Variants in HPSE2 observed in about 807,000 individuals in gnomAD.
HPSE2 encodes inactive heparanase-2.
In HPSE2, 38 loss-of-function variants were observed where a neutral mutation model predicts 60.5. The ratio of observed to expected loss-of-function variants is 0.63; its 90% CI spans 0.48 to 0.82. The LOEUF (loss-of-function observed/expected upper bound fraction) is 0.82. Among genes scored for constraint, HPSE2 ranks in the 40% least tolerant of loss-of-function variants. The pLI, the probability that HPSE2 is intolerant of heterozygous loss-of-function variation, is 0.00. For synonymous variants in HPSE2, 295 were observed against 293.2 expected (o/e 1.01, Z -0.06); for missense variants, 713 against 740.4 (o/e 0.96, Z 0.43).
At chr10:99,167,156 G>A (rs570961411) in intron 2 of HPSE2, among the ~76,000 whole-genome samples, 2 of 151,958 alleles carry the variant, frequency 1.3e-5, no homozygotes, top group Admixed American at 6.6e-5. Context: ...GATTACAAGC[G>A]TGTGCCACCA....
At chr10:99,072,276 C>A (rs543837742) in intron 3 of HPSE2, among the ~76,000 whole-genome samples, 4 of 152,128 alleles carry the variant, frequency 2.6e-5, no homozygotes, top group African/African-American at 9.6e-5. Flanking sequence ...AAACAATTTG[C>A]AACTAAAGCA....
the HPSE2 span, among the ~76,000 whole-genome samples, chr10:99,305,975 G>GCACA: frequency 7.3e-4 from 35 of 48,120 alleles, no homozygotes; most frequent in African/African-American, 2.0e-3. Flanking sequence ...GCGCGCGCGC[G>GCACA]CGCGCACACA....
intron 6 of HPSE2, among the ~76,000 whole-genome samples, chr10:98,667,936 C>T (rs1446285622): frequency 6.6e-6 from 1 of 152,120 alleles, no homozygotes; most frequent in Non-Finnish European, 1.5e-5. Context: ...CTAGAGCAAT[C>T]AGGCAAGACA....
At chr10:98,966,940 C>T (rs1182571871) in intron 3 of HPSE2, among the ~76,000 whole-genome samples, 2 of 152,140 alleles carry the variant, frequency 1.3e-5, no homozygotes, top group African/African-American at 4.8e-5. Flanking sequence ...TCCTTCCAGG[C>T]TGGAGTTCAG....
chr10:98,501,032 T>C (rs577521372), intron 9 of HPSE2, among the ~76,000 whole-genome samples: 1 of 151,756 alleles, frequency 6.6e-6, no homozygotes, highest in African/African-American at 2.4e-5. Flanking sequence ...ATAACAAGCA[T>C]TGAGATTGAA....
At chr10:99,208,725 ATGG>A (rs1848851931) in intron 2 of HPSE2, among the ~76,000 whole-genome samples, 1 of 152,086 alleles carries the variant, frequency 6.6e-6, no homozygotes, top group Non-Finnish European at 1.5e-5. Context: ...GAGTGACTGA[ATGG>A]ATTTAAAAAA....
chr10:98,460,608 C>A (rs911302943), intron 11 of HPSE2, among the ~76,000 whole-genome samples: 12 of 151,904 alleles, frequency 7.9e-5, no homozygotes, highest in African/African-American at 2.9e-4. Context: ...GAAACTCTGT[C>A]CCTAAAAAAA....
At chr10:98,810,433 C>T (rs1207367841) in intron 3 of HPSE2, among the ~76,000 whole-genome samples, 1 of 151,980 alleles carries the variant, frequency 6.6e-6, no homozygotes, top group Non-Finnish European at 1.5e-5. Context: ...GATTAAGATC[C>T]TTCTCTTCTG....
intron 3 of HPSE2, among the ~76,000 whole-genome samples, chr10:98,838,534 C>T (rs1951843409): frequency 6.6e-6 from 1 of 151,638 alleles, no homozygotes; most frequent in South Asian, 2.1e-4. Context: ...AATTGATCCC[C>T]CTGCATCAGT....
chr10:99,059,609 C>A (rs909663273), intron 3 of HPSE2, among the ~76,000 whole-genome samples: 2 of 151,990 alleles, frequency 1.3e-5, no homozygotes, highest in African/African-American at 4.8e-5. Flanking sequence ...ATTAACATGT[C>A]CCCCCAAATA....
At chr10:98,907,496 A>G (rs1039892479) in intron 3 of HPSE2, among the ~76,000 whole-genome samples, 3 of 152,108 alleles carry the variant, frequency 2.0e-5, no homozygotes, top group African/African-American at 7.2e-5. Context: ...ACAAAACAAT[A>G]CACACAGTTT....
At chr10:98,963,670 C>T (rs954219376) in intron 3 of HPSE2, among the ~76,000 whole-genome samples, 3 of 152,102 alleles carry the variant, frequency 2.0e-5, no homozygotes, top group Non-Finnish European at 2.9e-5. Context: ...TGTCCCCTTC[C>T]AAACTTTTTC....
At chr10:99,280,946 G>A in the HPSE2 span, among the ~76,000 whole-genome samples, 1 of 152,090 alleles carries the variant, frequency 6.6e-6, no homozygotes, top group Non-Finnish European at 1.5e-5. Flanking sequence ...CAAATTCTGA[G>A]CTGCTACATA....
At chr10:99,277,821 G>A in the HPSE2 span, among the ~76,000 whole-genome samples, 1 of 152,018 alleles carries the variant, frequency 6.6e-6, no homozygotes, top group Non-Finnish European at 1.5e-5. Flanking sequence ...TATGCGGCCG[G>A]GCATGGTGGC....
At chr10:99,224,248 A>G (rs1473211444) in intron 2 of HPSE2, among the ~76,000 whole-genome samples, 1 of 152,114 alleles carries the variant, frequency 6.6e-6, no homozygotes, top group Non-Finnish European at 1.5e-5. Flanking sequence ...ATGAAAGCCA[A>G]TGGATAAAAT....
the HPSE2 span, among the ~76,000 whole-genome samples, chr10:99,253,142 C>A: frequency 6.6e-6 from 1 of 152,078 alleles, no homozygotes; most frequent in Admixed American, 6.5e-5. Flanking sequence ...TACTAAAATT[C>A]ATATGGAACC....
chr10:99,301,725 G>A, the HPSE2 span, among the ~76,000 whole-genome samples: 1 of 152,048 alleles, frequency 6.6e-6, no homozygotes, highest in East Asian at 1.9e-4. Flanking sequence ...AGCCATGGCT[G>A]CCACCACTCT....
the HPSE2 span, among the ~76,000 whole-genome samples, chr10:99,276,284 T>A: frequency 6.6e-6 from 1 of 152,224 alleles, no homozygotes; most frequent in Admixed American, 6.5e-5. Context: ...TAATGCCTAT[T>A]TACACTACAA....
At chr10:98,745,698 G>A (rs1362876771) in intron 3 of HPSE2, among the ~76,000 whole-genome samples, 1 of 152,050 alleles carries the variant, frequency 6.6e-6, no homozygotes, top group African/African-American at 2.4e-5. Context: ...GTATCCCAAG[G>A]TATGGATAAT....
Sources: gnomAD v4.1 joint callset for allele counts (sites outside exome capture counted in the v4.1 genomes callset) on GRCh38, gnomAD v4.1.1 for gene constraint, MANE v1.5 for transcripts, NCBI Gene and HGNC (gene_info 2026-07-23, HGNC 2026-07-21) for gene names.